Variants in DDR2 observed in about 807,000 individuals in gnomAD.
DDR2 encodes the protein discoidin domain receptor tyrosine kinase 2.
A neutral mutation model predicts 94.9 loss-of-function variants in DDR2; 27 were observed. The ratio of observed to expected loss-of-function variants is 0.28; its 90% confidence interval spans 0.21 to 0.39. The LOEUF (loss-of-function observed/expected upper bound fraction) is 0.39, where lower values mean the gene tolerates loss of function less well. Ranked by LOEUF, DDR2 falls within the 10% of genes least tolerant of loss-of-function variation. The pLI is 1.00. For missense variants in DDR2, 783 were observed against 1,076.0 expected (o/e 0.73, Z 3.81); for synonymous variants, 382 against 377.2 (o/e 1.01, Z -0.15).
chr1:162,722,444 AATC>A (rs1337533369), intron 3 of DDR2, among the ~76,000 whole-genome samples: 7 of 152,210 alleles, frequency 4.6e-5, no homozygotes, highest in Non-Finnish European at 8.8e-5. Context: ...ACTGGAACCT[AATC>A]ATCATTAATC....
At chr1:162,686,175 G>A (rs1250345420) in intron 2 of DDR2, among the ~76,000 whole-genome samples, 2 of 151,704 alleles carry the variant, frequency 1.3e-5, no homozygotes, top group Admixed American at 6.6e-5. Flanking sequence ...ACAGGTGCCC[G>A]GCACCATGCC....
chr1:162,643,915 A>G (rs952409781), intron 1 of DDR2, among the ~76,000 whole-genome samples: 3 of 152,204 alleles, frequency 2.0e-5, no homozygotes, highest in African/African-American at 7.2e-5. Flanking sequence ...GGGTAGTTAA[A>G]TTGGAAAAAG....
intron 1 of DDR2, among the ~76,000 whole-genome samples, chr1:162,652,568 A>G (rs926369318): frequency 4.6e-5 from 7 of 152,232 alleles, no homozygotes; most frequent in African/African-American, 1.4e-4. Flanking sequence ...AGTCCAGCAC[A>G]TACGATCAGC....
intron 2 of DDR2, among the ~76,000 whole-genome samples, chr1:162,717,628 T>A (rs1003681818): frequency 3.9e-5 from 6 of 152,194 alleles, no homozygotes; most frequent in Admixed American, 3.9e-4. Flanking sequence ...TTTAATGACC[T>A]TGACAGTTTT....
At chr1:162,639,003 T>C (rs1656983837) in intron 1 of DDR2, among the ~76,000 whole-genome samples, 1 of 152,114 alleles carries the variant, frequency 6.6e-6, no homozygotes, top group Admixed American at 6.5e-5. Context: ...TCTTGCTCTG[T>C]TGCCCAGACT....
At chr1:162,770,258 C>A in intron 11 of DDR2, 44 bp from the exon 12 acceptor site, 1 of 1,590,356 alleles carries the variant, frequency 6.3e-7, no homozygotes, top group African/African-American at 1.3e-5. Context: ...CATTGACCAT[C>A]TCTTTTGTGC....
chr1:162,752,678 A>C (rs2102126487), intron 3 of DDR2, among the ~76,000 whole-genome samples: 1 of 152,316 alleles, frequency 6.6e-6, no homozygotes, highest in Middle Eastern at 3.4e-3. Flanking sequence ...CTACTGAAAA[A>C]AATAATTCTT....
At chr1:162,672,044 C>T (rs1658878073) in intron 2 of DDR2, among the ~76,000 whole-genome samples, 1 of 152,208 alleles carries the variant, frequency 6.6e-6, no homozygotes, top group Non-Finnish European at 1.5e-5. Context: ...AGTTCATCCT[C>T]TTTAGAGCTA....
In DDR2 at chr1:162,773,550, C is replaced by T. The variant is rs2102189911; in HGVS notation, c.1810C>T (p.Leu604=). The change falls in exon 14 of 18, where the codon CTG becomes TTG. Residue 604 remains leucine (L), a synonymous_variant. Transcript: ENST00000367921. ...AGATGTCAGTGCCAACCAGCCTGTC[C>T]TGGTGGCTGTGAAAATGCTCCGAGC... ...ALDVSANQPV[L]VAVKMLRADA... The T allele has an allele frequency of 6.2e-7, 1 of 1,614,088 alleles. No homozygotes were observed. The highest frequency in any genetic ancestry group is 2.2e-5 in the East Asian group (1 of 44,878).
At chr1:162,652,787 T>A (rs900585439) in intron 1 of DDR2, among the ~76,000 whole-genome samples, 3 of 152,190 alleles carry the variant, frequency 2.0e-5, no homozygotes, top group Non-Finnish European at 4.4e-5. Flanking sequence ...AGTGAGGAAG[T>A]GAACTCAGAT....
At chr1:162,749,791 A>T (rs1663085757) in intron 3 of DDR2, among the ~76,000 whole-genome samples, 1 of 152,216 alleles carries the variant, frequency 6.6e-6, no homozygotes, top group Non-Finnish European at 1.5e-5. Flanking sequence ...AATCCAGCAG[A>T]CAACAAAAAG....
In DDR2 at chr1:162,689,841, TTAA is replaced by T. The variant is rs1468128331; in HGVS notation, c.-27-29195_-27-29193del. ...CAACATGGTGAAACCCCATCTCTAC[TTAA>T]AAAAAAAAAAAAAAAAAAAAAAATA... On this transcript the variant is annotated intron_variant, in intron 2 of 17. Transcript: ENST00000367921. 8.2e-4 allele frequency among the ~76,000 whole-genome samples: 12 copies of T among 14,696 alleles called. 2 individuals carry two copies. Among genetic ancestry groups the T allele is most frequent in the Non-Finnish European group, 1.7e-3 (10 of 5,784 alleles). The allele number at this position is 14,696 out of a possible 152,430, so 9.6% of individuals were successfully genotyped here. A position where few individuals can be genotyped will look rare whatever the true frequency, so the allele number is the denominator to read the frequency against.
At chr1:162,635,329 T>C (rs1656762727) in intron 1 of DDR2, among the ~76,000 whole-genome samples, 1 of 152,122 alleles carries the variant, frequency 6.6e-6, no homozygotes, top group Non-Finnish European at 1.5e-5. Flanking sequence ...CATACATTCA[T>C]GTCACACCAT....
intron 1 of DDR2, among the ~76,000 whole-genome samples, chr1:162,636,938 T>G (rs4656375): frequency 6.6e-6 from 1 of 151,888 alleles, no homozygotes; most frequent in Non-Finnish European, 1.5e-5. Context: ...TGAACTCTCA[T>G]GTCTAAGATA....
At chr1:162,670,310 G>A (rs2101936090) in intron 2 of DDR2, among the ~76,000 whole-genome samples, 1 of 152,270 alleles carries the variant, frequency 6.6e-6, no homozygotes, top group African/African-American at 2.4e-5. Flanking sequence ...GCTTCACCAT[G>A]TTGGCCAGGC....
chr1:162,724,006 T>C (rs1661538684), intron 3 of DDR2, among the ~76,000 whole-genome samples: 1 of 152,112 alleles, frequency 6.6e-6, no homozygotes, highest in Non-Finnish European at 1.5e-5. Context: ...CCAGCATCAA[T>C]CCCACATGTC....
chr1:162,772,210 C>A lies in DDR2; in HGVS notation c.1691C>A (p.Thr564Asn). The change falls in exon 13 of 18, where the codon ACT becomes AAT. Residue 564 changes from threonine to asparagine, a missense_variant. By Grantham distance (65) the Thr-to-Asn change is moderately conservative (BLOSUM62 0). Around this residue, in one of 2 missense-constraint regions of DDR2, gnomAD observed 264 missense variants for 428.2 expected, o/e 0.62. Transcript: ENST00000367921. ...AVEEFPRKLL[T>N]FKEKLGEGQF... ...GAGGAGTTCCCCAGGAAACTCCTAA[C>A]TTTCAAAGAGAAGCTGGGAGAAGGA... 1.9e-6 allele frequency: 3 copies of A among 1,614,212 alleles called. No individual in the cohort carries two copies. Among genetic ancestry groups the A allele is most frequent in the Non-Finnish European group, 2.5e-6 (3 of 1,180,022 alleles).
chr1:162,704,956 G>A (rs928383523), intron 2 of DDR2: 5 of 152,238 alleles, frequency 3.3e-5, no homozygotes, highest in African/African-American at 9.6e-5. Context: ...TTGCTTTTGG[G>A]AGAATCATTG....
chr1:162,770,239 A>G (rs72711592), intron 11 of DDR2, 63 bp from the exon 12 acceptor site: 128 of 1,500,226 alleles, frequency 8.5e-5, no homozygotes, highest in Non-Finnish European at 1.1e-4. Context: ...TGAGTTTAAG[A>G]AGAGGAGGCA....
Sources: allele counts gnomAD v4.1 joint callset (sites outside exome capture counted in the v4.1 genomes callset), GRCh38; gene constraint gnomAD v4.1.1; regional missense constraint gnomAD v4.1.1; transcripts MANE v1.5; gene names NCBI Gene and HGNC (gene_info 2026-07-23, HGNC 2026-07-21).